The following XKR5 variants were observed in gnomAD, a reference collection of about 807,000 sequenced individuals.
XKR5 encodes XK related 5.
A neutral mutation model predicts 40.8 loss-of-function variants in XKR5; 46 were observed. That is an observed-to-expected ratio of 1.13 (90% CI 0.89 to 1.44). The LOEUF (loss-of-function observed/expected upper bound fraction) is 1.44. XKR5 is among the 40% of genes most tolerant of loss of function. The pLI, the probability that XKR5 is intolerant of heterozygous loss-of-function variation, is 0.00. For missense variants in XKR5, 1,169 were observed against 844.7 expected, an observed-to-expected ratio of 1.38 and a Z score of -4.76; for synonymous variants, 466 against 356.1, an observed-to-expected ratio of 1.31 and a Z score of -3.48.
intron 5 of XKR5, among the ~76,000 whole-genome samples, chr8:6,819,797 C>A (rs1289202211): frequency 6.6e-6 from 1 of 151,656 alleles, no homozygotes; most frequent in Admixed American, 6.6e-5. Context: ...TATTGGCTAT[C>A]TTTACCCTCC....
At position 6,808,809 on chromosome 8, in the gene XKR5, C is replaced by T. The variant is rs1803549952; in HGVS notation, c.*2389G>A. The stretch of plus-strand genomic sequence containing the variant: ...AGTTTGAAAAGAATGAGCAAATTCC[C>T]CATATCCCACCCTTACTTTTACCCC... On this transcript the variant is annotated 3_prime_UTR_variant, in exon 7 of 7. Transcript: ENST00000618742. 6.6e-6 allele frequency: 1 copy of T among 152,156 alleles called. No homozygotes were observed. The allele number at this position is 152,156 out of a possible 1,614,324, so 9.4% of individuals were successfully genotyped here.
rs1043393156 is a variant in XKR5 at position 6,811,886 on chromosome 8, G to A, written c.1373C>T (p.Ser458Leu). Residue 458 changes from serine to leucine, a missense_variant, in exon 7 of 7, where the codon TCA becomes TTA. By Grantham distance (145) the Ser-to-Leu change is moderately radical (BLOSUM62 -2). Coordinates refer to ENST00000618742, the MANE Select transcript of XKR5 (RefSeq NM_207411.5). Reference sequence around the variant, plus strand: ...CTCTAAGGTTGAGGGGTCACGGGATGAGGATGGGAGCTCTTGCTGGGCAGA... The same window carrying A: ...CTCTAAGGTTGAGGGGTCACGGGATAAGGATGGGAGCTCTTGCTGGGCAGA... ...ALSAQQELPS[S>L]SRDPSTLENS... 10 of 1,537,506 alleles carry A rather than the reference G, an allele frequency of 6.5e-6. No individual in the cohort carries two copies. Among genetic ancestry groups the A allele is most frequent in the South Asian group, 1.2e-5 (1 of 84,070 alleles).
At position 6,811,637 on chromosome 8, in the gene XKR5, G is replaced by A. The variant is rs770730377; in HGVS notation, c.1622C>T (p.Thr541Met). 15 of 1,537,414 alleles carry A rather than the reference G, an allele frequency of 9.8e-6. No homozygotes were observed. Among genetic ancestry groups the A allele is most frequent in the African/African-American group, 5.5e-5 (4 of 73,066 alleles). ...QRGGEGQQSS[T>M]LYFSATAEVA... ...TTCTGCAGTGGCGCTGAAGTACAAC[G>A]TGGAACTCTGCTGTCCTTCCCCTCC... The change falls in exon 7 of 7, where the codon ACG (threonine) becomes ATG (methionine). Residue 541 changes from threonine to methionine, a missense_variant. Thr to Met is a moderately conservative substitution (Grantham distance 81, BLOSUM62 -1). Transcript: ENST00000618742.
Position 6,815,823 on chromosome 8 carries a change from C to T in XKR5, c.903G>A (p.Leu301=), listed in dbSNP as rs199970175. The change falls in exon 6 of 7, where the codon CTG becomes CTA. Residue 301 remains leucine (L), a synonymous_variant. Coordinates refer to ENST00000618742, the MANE Select transcript of XKR5 (RefSeq NM_207411.5). ...WTSLQTIAGV[L]SGFLIGSVSL... is the part of the protein sequence containing the mutation. Reference sequence around the variant, plus strand: ...GGGACTTACCAATCAGAAATCCAGACAGGACCCCAGCTATGGTCTGCAGGC... The same window carrying T: ...GGGACTTACCAATCAGAAATCCAGATAGGACCCCAGCTATGGTCTGCAGGC... 1.2e-6 allele frequency: 2 copies of T among 1,603,150 alleles called. No homozygotes were observed. Among genetic ancestry groups the T allele is most frequent in the African/African-American group, 1.3e-5 (1 of 74,778 alleles).
At chr8:6,812,466 T>C (rs889884323) in intron 6 of XKR5, 127 bp from the exon 7 acceptor site, 7 of 940,522 alleles carry the variant, frequency 7.4e-6, no homozygotes, top group Non-Finnish European at 1.1e-5. Flanking sequence ...ATAGGACTCT[T>C]GTTGGAGCCT....
Position 6,815,888 on chromosome 8 carries a change from G to GCAACAGGATGATGTTCTC in XKR5, c.820_837dup (p.Glu274_Leu279dup), listed in dbSNP as rs1803936841. ...CCCTGGAGAAAGTCGGTGGCCAACAGCAACAGGATGATGTTCTCCAACAGC... is the reference window on the plus strand; with the variant it reads ...CCCTGGAGAAAGTCGGTGGCCAACAGCAACAGGATGATGTTCTCCAACAGGATGATGTTCTCCAACAGC... On this transcript the variant is annotated inframe_insertion, in exon 6 of 7. Transcript: ENST00000618742. The GCAACAGGATGATGTTCTC allele has an allele frequency of 6.2e-7, 1 of 1,603,238 alleles. No individual in the cohort carries two copies. Among genetic ancestry groups the GCAACAGGATGATGTTCTC allele is most frequent in the East Asian group, 2.3e-5 (1 of 44,382 alleles).
chr8:6,817,356 A>C (rs1302096800), intron 5 of XKR5, among the ~76,000 whole-genome samples: 1 of 152,088 alleles, frequency 6.6e-6, no homozygotes, highest in Non-Finnish European at 1.5e-5. Flanking sequence ...GTCATCTTCC[A>C]GCATGCTCTT....
chr8:6,832,561 G>A (rs1804817957), intron 2 of XKR5, among the ~76,000 whole-genome samples, 156 bp downstream of exon 2: 1 of 152,226 alleles, frequency 6.6e-6, no homozygotes, highest in South Asian at 2.1e-4. Flanking sequence ...ACCCGGGCAT[G>A]CCAATATCAG....
intron 3 of XKR5, 106 bp downstream of exon 3, chr8:6,825,059 T>C: frequency 2.2e-6 from 3 of 1,377,566 alleles, no homozygotes; most frequent in Non-Finnish European, 3.0e-6. Flanking sequence ...GCCCTAATGC[T>C]CCTAAGCAGA....
chr8:6,828,154 G>A (rs1380268279), intron 2 of XKR5, among the ~76,000 whole-genome samples: 8 of 152,178 alleles, frequency 5.3e-5, no homozygotes, highest in East Asian at 3.8e-4. Flanking sequence ...ATACAAATGC[G>A]AAAAGCTTCA....
chr8:6,815,844 C>T lies in XKR5; in HGVS notation c.882G>A (p.Leu294=), dbSNP rs1189343216. ...DFLQGASWTS[L]QTIAGVLSGF... ...CAGACAGGACCCCAGCTATGGTCTG[C>T]AGGCTGGTCCACGATGCCCCCTGGA... The change falls in exon 6 of 7, where the codon CTG becomes CTA. Residue 294 remains leucine, a synonymous_variant. Transcript: ENST00000618742. The T allele has an allele frequency of 2.5e-6, 4 of 1,604,936 alleles. No homozygotes were observed. The highest frequency in any genetic ancestry group is 1.7e-5 in the Admixed American group (1 of 58,894).
chr8:6,827,042 A>G (rs914149033), intron 2 of XKR5, among the ~76,000 whole-genome samples: 13 of 152,138 alleles, frequency 8.5e-5, no homozygotes, highest in Non-Finnish European at 1.9e-4. Context: ...ACTTCATCTC[A>G]TAAGTAGAAA....
intron 2 of XKR5, chr8:6,829,269 C>T (rs2741087): frequency 0.22 from 37,446 of 169,206 alleles, 4,413 homozygotes; most frequent in Non-Finnish European, 0.26. Flanking sequence ...AGGCCTTCTT[C>T]TGTCATCTCA....
rs779370077 is a variant in XKR5 at position 6,815,789 on chromosome 8, G to A, written c.919+18C>T. On this transcript the variant is annotated intron_variant, in intron 6 of 6. Transcript: ENST00000618742. ...GTTGGGGAGGGGATGCAGAGAAGAA[G>A]GTGACATTGGGACTTACCAATCAGA... is the stretch of plus-strand genomic sequence containing the variant. 2.6e-6 allele frequency: 4 copies of A among 1,538,532 alleles called. No homozygotes were observed. Among genetic ancestry groups the A allele is most frequent in the South Asian group, 1.2e-5 (1 of 84,388 alleles).
At chr8:6,816,148 A>G (rs1215660194) in intron 5 of XKR5, among the ~76,000 whole-genome samples, 2 of 152,122 alleles carry the variant, frequency 1.3e-5, no homozygotes, top group Non-Finnish European at 2.9e-5. Context: ...CTGCAGAATC[A>G]TAAAGGCCCA....
At chr8:6,823,391 C>T (rs1804325010) in intron 4 of XKR5, 130 bp downstream of exon 4, 4 of 929,664 alleles carry the variant, frequency 4.3e-6, no homozygotes, top group Admixed American at 2.2e-5. Flanking sequence ...CAAGCAAGAT[C>T]CATTCAGCAG....
At chr8:6,813,880 T>G (rs1455401605) in intron 6 of XKR5, among the ~76,000 whole-genome samples, 7 of 152,152 alleles carry the variant, frequency 4.6e-5, no homozygotes, top group African/African-American at 1.7e-4. Flanking sequence ...TTCGGAGTGG[T>G]GTAGGACATC....
At chr8:6,821,202 G>C (rs1490598980) in intron 5 of XKR5, among the ~76,000 whole-genome samples, 3 of 152,174 alleles carry the variant, frequency 2.0e-5, no homozygotes, top group African/African-American at 7.2e-5. Context: ...CCACCAATGT[G>C]ATTGTATTTT....
intron 4 of XKR5, among the ~76,000 whole-genome samples, chr8:6,822,535 C>T (rs1301352354): frequency 6.6e-6 from 1 of 152,216 alleles, no homozygotes; most frequent in African/African-American, 2.4e-5. Flanking sequence ...TAGCTAATCT[C>T]TCTTTAGAAG....
Sources: gnomAD v4.1 joint callset for allele counts (sites outside exome capture counted in the v4.1 genomes callset) on GRCh38, gnomAD v4.1.1 for gene constraint, MANE v1.5 for transcripts, NCBI Gene and HGNC (gene_info 2026-07-23, HGNC 2026-07-21) for gene names.